The following NUBPL variants were observed in gnomAD, a reference collection of about 807,000 sequenced individuals.
The protein encoded by NUBPL is iron-sulfur cluster transfer protein NUBPL.
Under a neutral mutation model 45.7 loss-of-function variants are expected in NUBPL, and 31 were observed. The ratio of observed to expected loss-of-function variants is 0.68; its 90% CI spans 0.51 to 0.92. The LOEUF is 0.92. Ranked by LOEUF, NUBPL falls within the 40% of genes least tolerant of loss-of-function variation. The probability of loss-of-function intolerance (pLI) is 0.00; values close to 1 mark genes in which losing one functional copy is unlikely to be tolerated. For synonymous variants in NUBPL, 144 were observed against 140.9 expected (o/e 1.02, Z -0.15); for missense variants, 401 against 398.7 (o/e 1.01, Z -0.05).
chr14:31,637,529 T>C (rs189404901), intron 4 of NUBPL, among the ~76,000 whole-genome samples: 3 of 152,316 alleles, frequency 2.0e-5, no homozygotes, highest in South Asian at 2.1e-4. Flanking sequence ...AGTGTTGGAA[T>C]AGGTGTGGTG....
At chr14:31,705,977 C>G (rs1047743385) in intron 6 of NUBPL, among the ~76,000 whole-genome samples, 1 of 152,178 alleles carries the variant, frequency 6.6e-6, no homozygotes, top group African/African-American at 2.4e-5. Context: ...CGTGCCTCTC[C>G]CTCCACACCT....
At chr14:31,729,230 G>T (rs551284726) in intron 6 of NUBPL, among the ~76,000 whole-genome samples, 13 of 147,432 alleles carry the variant, frequency 8.8e-5, no homozygotes, top group African/African-American at 3.3e-4. Context: ...AATGAGCCAA[G>T]ATTGCACCAC....
chr14:31,809,992 T>C (rs2039768518), intron 7 of NUBPL, among the ~76,000 whole-genome samples: 1 of 152,354 alleles, frequency 6.6e-6, no homozygotes, highest in South Asian at 2.1e-4. Context: ...TAGTTTGTTG[T>C]GATTTCTGTT....
intron 4 of NUBPL, among the ~76,000 whole-genome samples, chr14:31,639,572 A>G (rs2035619821): frequency 6.6e-6 from 1 of 152,148 alleles, no homozygotes. Context: ...CCGTTCTTAG[A>G]TCTCCAGCTG....
chr14:31,639,465 G>T (rs2139691407), intron 4 of NUBPL, among the ~76,000 whole-genome samples: 1 of 152,238 alleles, frequency 6.6e-6, no homozygotes, highest in African/African-American at 2.4e-5. Context: ...GGAGTACCCG[G>T]CTGTGTGAGG....
intron 6 of NUBPL, among the ~76,000 whole-genome samples, chr14:31,762,601 A>G (rs2038835539): frequency 6.6e-6 from 1 of 152,156 alleles, no homozygotes; most frequent in Non-Finnish European, 1.5e-5. Flanking sequence ...CAAAAATACA[A>G]ATTTAGGAGT....
At chr14:31,688,337 G>A (rs1246829486) in intron 6 of NUBPL, among the ~76,000 whole-genome samples, 2 of 152,182 alleles carry the variant, frequency 1.3e-5, no homozygotes, top group South Asian at 4.2e-4. Context: ...CAGCACTTTG[G>A]CAGGCCGAAG....
At position 31,643,759 on chromosome 14, in the gene NUBPL, T is replaced by G. The variant is rs1427259502; in HGVS notation, c.383-29596T>G. 3.9e-5 allele frequency among the ~76,000 whole-genome samples: 6 copies of G among 152,246 alleles called. No homozygotes were observed. The East Asian group carries it at 9.6e-4, about 24-fold the overall frequency. ...TTAAATTTTTGGTAGAATTAAGCAG[T>G]GGAACCACCAGGTCCTGGGCTTTTC... On this transcript the variant is annotated intron_variant, in intron 4 of 10. Coordinates refer to ENST00000281081, the MANE Select transcript of NUBPL (RefSeq NM_025152.3).
chr14:31,591,184 G>T (rs750593156), intron 3 of NUBPL, among the ~76,000 whole-genome samples: 2 of 152,092 alleles, frequency 1.3e-5, no homozygotes, highest in Non-Finnish European at 2.9e-5. Context: ...TTTAGACAAT[G>T]TACTTTATCA....
At chr14:31,807,228 A>G (rs553864014) in intron 7 of NUBPL, among the ~76,000 whole-genome samples, 1 of 152,238 alleles carries the variant, frequency 6.6e-6, no homozygotes, top group African/African-American at 2.4e-5. Flanking sequence ...ACTAGTTTAC[A>G]TTCCCACCAA....
chr14:31,753,868 C>T (rs540638045), intron 6 of NUBPL, among the ~76,000 whole-genome samples: 1 of 152,196 alleles, frequency 6.6e-6, no homozygotes, highest in African/African-American at 2.4e-5. Context: ...TTTGTTTTCG[C>T]CTTCACACCA....
In NUBPL at chr14:31,834,479, G is replaced by A. The variant is rs116359995; in HGVS notation, c.693+7765G>A. 5.0e-3 allele frequency among the ~76,000 whole-genome samples: 762 copies of A among 152,008 alleles called. 8 individuals carry two copies. The highest frequency in any genetic ancestry group is 0.017 in the African/African-American group (723 of 41,464). ...CAGGCGTGAGCCACTGCGCCTGGCC[G>A]GTCTGGAACTTTTTAGTATTTATTT... On this transcript the variant is annotated intron_variant, in intron 8 of 10. Coordinates refer to ENST00000281081, the MANE Select transcript of NUBPL (RefSeq NM_025152.3).
chr14:31,798,584 A>G (rs1227143329), intron 7 of NUBPL, among the ~76,000 whole-genome samples: 1 of 151,578 alleles, frequency 6.6e-6, no homozygotes, highest in Non-Finnish European at 1.5e-5. Context: ...TGGGGTCGGG[A>G]GAACGAGACC....
Position 31,754,450 on chromosome 14 carries a change from A to T in NUBPL, c.514-33330A>T, listed in dbSNP as rs184522732. The stretch of plus-strand genomic sequence containing the variant: ...TAAGTGAAACTATGAGAATGCAATA[A>T]GTAAATGTAGAGTATGGAAAATCCT... On this transcript the variant is annotated intron_variant, in intron 6 of 10. Transcript: ENST00000281081. Among the ~76,000 whole-genome samples, 6 of 152,292 alleles carry T rather than the reference A, an allele frequency of 3.9e-5. No homozygotes were observed. The East Asian group carries it at 1.2e-3, about 29-fold the overall frequency.
chr14:31,724,517 A>G (rs544896563), intron 6 of NUBPL, among the ~76,000 whole-genome samples: 10 of 152,332 alleles, frequency 6.6e-5, no homozygotes, highest in African/African-American at 2.4e-4. Context: ...TGGAGGTAGT[A>G]TTCAGTAATG....
At chr14:31,639,524 G>T (rs528458492) in intron 4 of NUBPL, among the ~76,000 whole-genome samples, 11 of 152,304 alleles carry the variant, frequency 7.2e-5, no homozygotes, top group African/African-American at 2.6e-4. Context: ...GCTGCTCGGG[G>T]GTTAGGGGTC....
intron 6 of NUBPL, among the ~76,000 whole-genome samples, chr14:31,704,519 C>T (rs2037404564): frequency 1.3e-5 from 2 of 151,986 alleles, no homozygotes; most frequent in South Asian, 4.2e-4. Context: ...CAAAATTAGC[C>T]AGGCATGGTG....
chr14:31,579,545 C>T (rs1355436669), intron 3 of NUBPL, among the ~76,000 whole-genome samples: 1 of 152,172 alleles, frequency 6.6e-6, no homozygotes, highest in Non-Finnish European at 1.5e-5. Context: ...AGGAACTTGT[C>T]ATAGAAATGA....
chr14:31,729,281 C>T lies in NUBPL; in HGVS notation c.513+55707C>T, dbSNP rs983029618. Among the ~76,000 whole-genome samples the T allele has an allele frequency of 8.7e-4, 42 of 48,046 alleles. 2 individuals are homozygous for T. In the Admixed American group the frequency reaches 0.011, roughly 13 times the overall value. The allele number at this position is 48,046 out of a possible 152,430, so 31.5% of individuals were successfully genotyped here. On this transcript the variant is annotated intron_variant, in intron 6 of 10. Coordinates refer to ENST00000281081, the MANE Select transcript of NUBPL (RefSeq NM_025152.3). ...GTGACAGAGAGATGCTCCATCCCCC[C>T]CCCCCCCAAAAAAAAAGTCATTCAA...
Sources: allele counts gnomAD v4.1 joint callset (sites outside exome capture counted in the v4.1 genomes callset), GRCh38; gene constraint gnomAD v4.1.1; transcripts MANE v1.5; gene names NCBI Gene and HGNC (gene_info 2026-07-23, HGNC 2026-07-21).